Variants in FNDC3A observed in about 807,000 individuals in gnomAD.
FNDC3A encodes the protein fibronectin type-III domain-containing protein 3A.
A neutral mutation model predicts 148.9 loss-of-function variants in FNDC3A; 32 were observed. The observed-to-expected ratio is 0.21, with a 90% confidence interval of 0.16 to 0.29. FNDC3A has a LOEUF of 0.29. FNDC3A is among the 10% of genes least tolerant of loss of function. The pLI is 1.00. For missense variants in FNDC3A, 1,191 were observed against 1,452.8 expected, an observed-to-expected ratio of 0.82 and a Z score of 2.93; for synonymous variants, 472 against 473.6, an observed-to-expected ratio of 1.00 and a Z score of 0.04.
At chr13:49,144,392 C>A (rs537638503) in intron 7 of FNDC3A, among the ~76,000 whole-genome samples, 1 of 152,040 alleles carries the variant, frequency 6.6e-6, no homozygotes, top group Non-Finnish European at 1.5e-5. Context: ...TTTATTCAGA[C>A]TTCGAGAACT....
intron 19 of FNDC3A, among the ~76,000 whole-genome samples, chr13:49,194,338 C>G (rs1886043879): frequency 6.6e-6 from 1 of 152,166 alleles, no homozygotes; most frequent in Admixed American, 6.6e-5. Flanking sequence ...TTTTGAACTA[C>G]TAATAAAACT....
intron 4 of FNDC3A, among the ~76,000 whole-genome samples, chr13:49,125,489 GT>G (rs1487368567): frequency 6.6e-6 from 1 of 152,186 alleles, no homozygotes; most frequent in African/African-American, 2.4e-5. Flanking sequence ...AGTTGGAATA[GT>G]TCTGGGTTCA....
At chr13:49,175,615 T>G in intron 13 of FNDC3A, 74 bp downstream of exon 13, 1 of 960,636 alleles carries the variant, frequency 1.0e-6, no homozygotes, top group South Asian at 1.7e-5. Context: ...GCTGAGACGA[T>G]GGCATTTTCT....
At chr13:49,029,858 T>G (rs1206457778) in intron 2 of FNDC3A, among the ~76,000 whole-genome samples, 29 of 152,046 alleles carry the variant, frequency 1.9e-4, no homozygotes. Flanking sequence ...ATAGTCTAAG[T>G]GAACTAGACA....
At chr13:49,176,226 C>T (rs547714969) in intron 13 of FNDC3A, among the ~76,000 whole-genome samples, 30 of 152,158 alleles carry the variant, frequency 2.0e-4, no homozygotes, top group South Asian at 2.1e-4. Context: ...GGGAGGAGTC[C>T]GTCTTTTTCT....
At chr13:48,975,546 G>A (rs539421003), upstream of FNDC3A, 10 of 152,372 alleles carry the variant, frequency 6.6e-5, no homozygotes, top group Non-Finnish European at 1.2e-4. Flanking sequence ...TTTCGGAAAG[G>A]GGCCGACAGG....
chr13:49,183,860 G>T (rs9562870), intron 14 of FNDC3A, among the ~76,000 whole-genome samples: 1 of 151,940 alleles, frequency 6.6e-6, no homozygotes, highest in African/African-American at 2.4e-5. Context: ...GTGTTATATA[G>T]CATCATAGTC....
intron 9 of FNDC3A, among the ~76,000 whole-genome samples, chr13:49,167,629 C>T (rs1884545991): frequency 6.6e-6 from 1 of 151,984 alleles, no homozygotes; most frequent in Admixed American, 6.6e-5. Flanking sequence ...TTGCTTGAGC[C>T]CAGGAGGTTA....
At chr13:49,021,000 T>G (rs1286202115) in intron 2 of FNDC3A, among the ~76,000 whole-genome samples, 1 of 152,112 alleles carries the variant, frequency 6.6e-6, no homozygotes, top group African/African-American at 2.4e-5. Flanking sequence ...ATCAGAATAG[T>G]CAGGGTAGTG....
chr13:49,009,611 A>G (rs912431702), intron 2 of FNDC3A, among the ~76,000 whole-genome samples: 8 of 152,222 alleles, frequency 5.3e-5, no homozygotes, highest in Non-Finnish European at 8.8e-5. Flanking sequence ...TTTTCCTGAT[A>G]GCAGAAGGAA....
At chr13:49,130,850 C>A (rs1420848306) in intron 4 of FNDC3A, among the ~76,000 whole-genome samples, 1 of 152,110 alleles carries the variant, frequency 6.6e-6, no homozygotes, top group African/African-American at 2.4e-5. Context: ...CTCACTGCAA[C>A]CTCCACCTCC....
intron 4 of FNDC3A, among the ~76,000 whole-genome samples, chr13:49,129,456 G>C (rs1881897314): frequency 6.6e-6 from 1 of 152,296 alleles, no homozygotes; most frequent in Admixed American, 6.5e-5. Context: ...ATTGGAGAGT[G>C]ATAAAGGTGA....
At chr13:49,162,744 G>GT (rs1228088662) in intron 8 of FNDC3A, among the ~76,000 whole-genome samples, 2 of 152,206 alleles carry the variant, frequency 1.3e-5, no homozygotes, top group African/African-American at 2.4e-5. Flanking sequence ...CATCTTTGTG[G>GT]TTTTATCTAC....
chr13:49,175,596 A>G, intron 13 of FNDC3A, 55 bp downstream of exon 13: 2 of 1,277,130 alleles, frequency 1.6e-6, no homozygotes, highest in Middle Eastern at 2.3e-4. Flanking sequence ...CAGCTTAAGG[A>G]GATTTTGGGC....
intron 8 of FNDC3A, among the ~76,000 whole-genome samples, chr13:49,156,623 C>T (rs967322068): frequency 6.6e-6 from 1 of 150,906 alleles, no homozygotes; most frequent in Non-Finnish European, 1.5e-5. Context: ...TCTCGATGGT[C>T]TTTACATTTT....
intron 2 of FNDC3A, among the ~76,000 whole-genome samples, chr13:49,026,253 C>T (rs1010828353): frequency 3.9e-5 from 6 of 152,112 alleles, no homozygotes; most frequent in Non-Finnish European, 7.4e-5. Context: ...TGTATATAAG[C>T]ATGCGTATGA....
At chr13:49,103,893 A>G (rs1175852010) in intron 3 of FNDC3A, among the ~76,000 whole-genome samples, 2 of 152,198 alleles carry the variant, frequency 1.3e-5, no homozygotes, top group Non-Finnish European at 2.9e-5. Context: ...AAAAGTCTGG[A>G]TGAGATACAG....
chr13:49,016,101 G>T (rs1320984646), intron 2 of FNDC3A, among the ~76,000 whole-genome samples: 1 of 152,242 alleles, frequency 6.6e-6, no homozygotes, highest in Non-Finnish European at 1.5e-5. Context: ...TTGGTATCAG[G>T]ATGATGCTGG....
intron 2 of FNDC3A, among the ~76,000 whole-genome samples, chr13:49,023,588 C>T (rs977755534): frequency 2.0e-5 from 3 of 152,014 alleles, no homozygotes; most frequent in South Asian, 4.1e-4. Flanking sequence ...TTCTATTAAA[C>T]TCCTACATAT....
Sources: allele counts gnomAD v4.1 joint callset (sites outside exome capture counted in the v4.1 genomes callset), GRCh38; gene constraint gnomAD v4.1.1; transcripts MANE v1.5; gene names NCBI Gene and HGNC (gene_info 2026-07-23, HGNC 2026-07-21).